The following LRRFIP2 variants were observed in gnomAD, a reference collection of about 807,000 sequenced individuals.
LRRFIP2 encodes the protein leucine-rich repeat flightless-interacting protein 2.
Under a neutral mutation model 125.9 loss-of-function variants are expected in LRRFIP2, and 109 were observed. The observed-to-expected ratio is 0.87, with a 90% CI of 0.74 to 1.01. The LOEUF (loss-of-function observed/expected upper bound fraction) is 1.01. Among genes scored for constraint, LRRFIP2 ranks in the 50% least tolerant of loss-of-function variants. The pLI, the probability that LRRFIP2 is intolerant of heterozygous loss-of-function variation, is 0.00. For synonymous variants in LRRFIP2, 291 were observed against 293.1 expected (o/e 0.99, Z 0.07); for missense variants, 850 against 862.3 (o/e 0.99, Z 0.18).
Position 37,075,694 on chromosome 3 carries a change from T to C in LRRFIP2, c.1279-578A>G, listed in dbSNP as rs555210868. Among the ~76,000 whole-genome samples the C allele has an allele frequency of 2.6e-5, 4 of 152,232 alleles. No individual in the cohort carries two copies. In the South Asian group the frequency reaches 8.3e-4, roughly 32 times the overall value. On this transcript the variant is annotated intron_variant, in intron 19 of 27. Coordinates refer to ENST00000336686, the MANE Select transcript of LRRFIP2 (RefSeq NM_006309.4). Reference sequence around the variant, plus strand: ...AAAATACCATCAGGTTTTTCTTTTATCATCATCAGAGCAAGTTGATTTGAA... The same window carrying C: ...AAAATACCATCAGGTTTTTCTTTTACCATCATCAGAGCAAGTTGATTTGAA...
chr3:37,143,793 G>A (rs1243224801), intron 2 of LRRFIP2: 1 of 160,924 alleles, frequency 6.2e-6, no homozygotes, highest in Non-Finnish European at 1.4e-5. Context: ...GCATCAGGAA[G>A]TCCAGTTTCG....
rs567057697 is a variant in LRRFIP2 at position 37,097,196 on chromosome 3, CA to C, written c.874-537del. On this transcript the variant is annotated intron_variant, in intron 15 of 27. Coordinates refer to ENST00000336686, the MANE Select transcript of LRRFIP2 (RefSeq NM_006309.4). Reference sequence around the variant, plus strand: ...TTTCTCAGTAATACATGCACATGACCAAAAAAAAAAAAAAAATCAAACAGCA... The same window carrying C: ...TTTCTCAGTAATACATGCACATGACCAAAAAAAAAAAAAAATCAAACAGCA... 3.4e-3 allele frequency among the ~76,000 whole-genome samples: 407 copies of C among 120,418 alleles called. 2 individuals carry two copies. Among genetic ancestry groups the C allele is most frequent in the South Asian group, 0.017 (66 of 3,792 alleles). The allele number at this position is 120,418 out of a possible 152,430, so 79.0% of individuals were successfully genotyped here. A position where few individuals can be genotyped will look rare whatever the true frequency, so the allele number is the denominator to read the frequency against.
At chr3:37,056,245 A>G (rs988851328) in intron 25 of LRRFIP2, among the ~76,000 whole-genome samples, 1 of 152,208 alleles carries the variant, frequency 6.6e-6, no homozygotes, top group Admixed American at 6.5e-5. Context: ...AAAAGTTTAG[A>G]AATGATGGCA....
intron 24 of LRRFIP2, 61 bp from the exon 25 acceptor site, chr3:37,058,971 T>C: frequency 6.2e-7 from 1 of 1,602,728 alleles, no homozygotes; most frequent in Non-Finnish European, 8.5e-7. Flanking sequence ...CCGATGCTTA[T>C]TCTATGGTCA....
chr3:37,120,736 C>T (rs1287032307), intron 6 of LRRFIP2, among the ~76,000 whole-genome samples: 1 of 151,600 alleles, frequency 6.6e-6, no homozygotes, highest in African/African-American at 2.4e-5. Context: ...TGGAAGTATA[C>T]ATACAGCATT....
chr3:37,106,706 G>A (rs369028459), intron 13 of LRRFIP2, among the ~76,000 whole-genome samples: 4 of 152,080 alleles, frequency 2.6e-5, no homozygotes, highest in African/African-American at 9.7e-5. Flanking sequence ...ACTTTGGGAG[G>A]CCGAGGTGGG....
chr3:37,170,829 T>C (rs893569061), intron 1 of LRRFIP2: 2 of 152,194 alleles, frequency 1.3e-5, no homozygotes, highest in Non-Finnish European at 2.9e-5. Context: ...ATCCCAGCAA[T>C]TTGGGAGGCC....
At chr3:37,115,557 A>G (rs191183729) in intron 6 of LRRFIP2, among the ~76,000 whole-genome samples, 145 of 152,350 alleles carry the variant, frequency 9.5e-4, no homozygotes, top group Non-Finnish European at 1.7e-3. Context: ...AGCATGGTCA[A>G]GCTTACAAAA....
rs145469111 is a variant in LRRFIP2, at chr3:37,139,428, T to G, written c.90+9466A>C. Among the ~76,000 whole-genome samples the G allele has an allele frequency of 5.0e-3, 767 of 152,346 alleles. 7 individuals are homozygous for G. The highest frequency in any genetic ancestry group is 0.018 in the African/African-American group (732 of 41,582). On this transcript the variant is annotated intron_variant, in intron 2 of 27. Transcript: ENST00000336686. Reference sequence around the variant, plus strand: ...CTGCAAGACCTTATCAGTTCAGCACTTCTTTCATTATTCCAGTTCTGACAC... The same window carrying G: ...CTGCAAGACCTTATCAGTTCAGCACGTCTTTCATTATTCCAGTTCTGACAC...
At chr3:37,090,734 C>G (rs1227733227) in intron 18 of LRRFIP2, among the ~76,000 whole-genome samples, 1 of 152,004 alleles carries the variant, frequency 6.6e-6, no homozygotes, top group Non-Finnish European at 1.5e-5. Flanking sequence ...AGATAAAGAC[C>G]ATTTACATTT....
intron 4 of LRRFIP2, 132 bp downstream of exon 4, chr3:37,127,498 T>C (rs536180996): frequency 4.7e-6 from 4 of 849,152 alleles, no homozygotes; most frequent in Admixed American, 2.1e-5. Context: ...ATAGACAGAA[T>C]AGACACTCTG....
chr3:37,054,318 A>T, intron 27 of LRRFIP2, 93 bp downstream of exon 27: 1 of 1,021,034 alleles, frequency 9.8e-7, no homozygotes, highest in Non-Finnish European at 1.5e-6. Context: ...CTGTTTCCTT[A>T]AGTATCAAAT....
chr3:37,107,340 T>C (rs1400162184), intron 13 of LRRFIP2, among the ~76,000 whole-genome samples: 2 of 152,010 alleles, frequency 1.3e-5, no homozygotes, highest in African/African-American at 2.4e-5. Flanking sequence ...AAAATTTTTA[T>C]CAAAAAAAGA....
At position 37,065,947 on chromosome 3, in the gene LRRFIP2, A is replaced by T. The variant is rs1213292829; in HGVS notation, c.1567-5T>A. On this transcript the variant is annotated splice_region_variant and splice_polypyrimidine_tract_variant and intron_variant, in intron 22 of 27. Transcript: ENST00000336686. ...GATTATAACTAAGCCATGTTTCTGC[A>T]GGGGGGAAAAACCCACCATCACAAA... 6.2e-7 allele frequency: 1 copy of T among 1,613,914 alleles called. No homozygotes were observed. The highest frequency in any genetic ancestry group is 8.5e-7 in the Non-Finnish European group (1 of 1,179,924).
chr3:37,054,123 T>C (rs902681328), intron 27 of LRRFIP2, among the ~76,000 whole-genome samples, 162 bp from the exon 28 acceptor site: 1 of 152,250 alleles, frequency 6.6e-6, no homozygotes, highest in Admixed American at 6.5e-5. Context: ...TAAATGATGA[T>C]ACTGAGGATT....
chr3:37,121,386 TAA>T, intron 6 of LRRFIP2, 104 bp downstream of exon 6: 1 of 1,076,320 alleles, frequency 9.3e-7, no homozygotes, highest in Non-Finnish European at 1.4e-6. Flanking sequence ...ATACTTCTTT[TAA>T]AAACGCAAAG....
At chr3:37,146,805 A>C (rs1479962409) in intron 2 of LRRFIP2, among the ~76,000 whole-genome samples, 2 of 152,228 alleles carry the variant, frequency 1.3e-5, no homozygotes, top group African/African-American at 4.8e-5. Context: ...TAAGGACATA[A>C]GCACAGGCAA....
intron 25 of LRRFIP2, among the ~76,000 whole-genome samples, chr3:37,056,370 T>C (rs918867393): frequency 1.3e-5 from 2 of 152,102 alleles, no homozygotes; most frequent in African/African-American, 4.8e-5. Flanking sequence ...ACAGGAAATA[T>C]TCAGATTATC....
intron 8 of LRRFIP2, among the ~76,000 whole-genome samples, chr3:37,111,405 C>T (rs1203795348): frequency 2.0e-5 from 3 of 152,184 alleles, no homozygotes; most frequent in Non-Finnish European, 2.9e-5. Context: ...TCTGGCAAAG[C>T]CACAGAAGTT....
Sources: gnomAD v4.1 joint callset for allele counts (sites outside exome capture counted in the v4.1 genomes callset) on GRCh38, gnomAD v4.1.1 for gene constraint, MANE v1.5 for transcripts, NCBI Gene and HGNC (gene_info 2026-07-23, HGNC 2026-07-21) for gene names.